Variants in NINL observed in about 807,000 individuals in gnomAD.
The protein encoded by NINL is ninein-like protein.
Under a neutral mutation model 160.3 loss-of-function variants are expected in NINL, and 153 were observed. That is an observed-to-expected ratio of 0.95 (90% CI 0.84 to 1.09). The LOEUF (loss-of-function observed/expected upper bound fraction) is 1.09, where lower values mean the gene tolerates loss of function less well. NINL is among the 50% of genes least tolerant of loss of function. The pLI, the probability that NINL is intolerant of heterozygous loss-of-function variation, is 0.00. For missense variants in NINL, 1,829 were observed against 1,764.0 expected (o/e 1.04, Z -0.66); for synonymous variants, 800 against 734.8 (o/e 1.09, Z -1.43).
rs1568883783 is a variant in NINL at position 25,480,271 on chromosome 20, C to A, written c.1811-4G>T. 1.9e-6 allele frequency: 3 copies of A among 1,611,730 alleles called. No individual in the cohort carries two copies. Among genetic ancestry groups the A allele is most frequent in the Middle Eastern group, 1.7e-4 (1 of 6,054 alleles). On this transcript the variant is annotated splice_region_variant and splice_polypyrimidine_tract_variant and intron_variant, in intron 14 of 23. Transcript: ENST00000278886. ...GAATTACCCAGGAATGAAATGCCTG[C>A]AAACAAGAGGCCACTTCCGTTTGTC...
At chr20:25,510,795 G>A (rs374759639) in intron 4 of NINL, 55 bp from the exon 5 acceptor site, 28 of 1,310,960 alleles carry the variant, frequency 2.1e-5, no homozygotes, top group Non-Finnish European at 2.6e-5. Flanking sequence ...TGCTGGGGAC[G>A]GAGCACCGGG....
chr20:25,474,425 CA>C (rs1409184740), intron 17 of NINL, among the ~76,000 whole-genome samples: 1 of 152,234 alleles, frequency 6.6e-6, no homozygotes, highest in Non-Finnish European at 1.5e-5. Flanking sequence ...GACCAAGGGC[CA>C]ACCATGCAGT....
chr20:25,461,511 C>T lies in NINL; in HGVS notation c.3696+11G>A. ...CTGGACCCAGTGCCTCCAGCCATCGCTCACACCCACCTGGTCTTGACTTTC... is the reference window on the plus strand; with the variant it reads ...CTGGACCCAGTGCCTCCAGCCATCGTTCACACCCACCTGGTCTTGACTTTC... On this transcript the variant is annotated intron_variant, in intron 21 of 23. Coordinates refer to ENST00000278886, the MANE Select transcript of NINL (RefSeq NM_025176.6). The T allele has an allele frequency of 1.3e-6, 2 of 1,518,540 alleles. No individual in the cohort carries two copies. Among genetic ancestry groups the T allele is most frequent in the Non-Finnish European group, 8.9e-7 (1 of 1,128,396 alleles). The allele number at this position is 1,518,540 out of a possible 1,614,324, so 94.1% of individuals were successfully genotyped here.
At chr20:25,544,774 G>A (rs549422875) in intron 1 of NINL, among the ~76,000 whole-genome samples, 2 of 152,346 alleles carry the variant, frequency 1.3e-5, no homozygotes, top group East Asian at 3.9e-4. Context: ...CAAGCTGGGT[G>A]CAGGGAAAAG....
chr20:25,461,218 GAC>G (rs1188119194), intron 21 of NINL, among the ~76,000 whole-genome samples: 1 of 152,178 alleles, frequency 6.6e-6, no homozygotes, highest in African/African-American at 2.4e-5. Flanking sequence ...TGGTTCTGAC[GAC>G]ACAGTCCCCA....
Position 25,482,175 on chromosome 20 carries a change from CA to C in NINL, c.1678-76del, listed in dbSNP as rs1182166796. 12 of 1,521,390 alleles carry C rather than the reference CA, an allele frequency of 7.9e-6. No individual in the cohort carries two copies. The East Asian group carries it at 2.1e-4, about 26-fold the overall frequency. The allele number at this position is 1,521,390 out of a possible 1,614,324, so 94.2% of individuals were successfully genotyped here. A position where few individuals can be genotyped will look rare whatever the true frequency, so the allele number is the denominator to read the frequency against. On this transcript the variant is annotated intron_variant, in intron 13 of 23. Transcript: ENST00000278886. ...CCAGCGAGCTGGCCGAGCTGGCCTC[CA>C]GGGGGGTCCCTTGCAGGTGAGGTGC... is the stretch of plus-strand genomic sequence containing the variant.
intron 2 of NINL, among the ~76,000 whole-genome samples, chr20:25,524,067 A>G (rs2064310437): frequency 6.6e-6 from 1 of 152,166 alleles, no homozygotes; most frequent in African/African-American, 2.4e-5. Flanking sequence ...CTATACGGAT[A>G]TTTCTGACTT....
chr20:25,558,752 T>C (rs1314959369), intron 1 of NINL, among the ~76,000 whole-genome samples: 1 of 152,168 alleles, frequency 6.6e-6, no homozygotes, highest in African/African-American at 2.4e-5. Flanking sequence ...CTTCAGACTG[T>C]GTTTAGGCCA....
At chr20:25,531,347 A>C (rs887833899) in intron 1 of NINL, among the ~76,000 whole-genome samples, 1 of 152,178 alleles carries the variant, frequency 6.6e-6, no homozygotes, top group African/African-American at 2.4e-5. Flanking sequence ...CTGAGGCGAC[A>C]TACACCCTCC....
At chr20:25,562,975 G>C (rs2064961585) in intron 1 of NINL, among the ~76,000 whole-genome samples, 1 of 152,098 alleles carries the variant, frequency 6.6e-6, no homozygotes, top group Non-Finnish European at 1.5e-5. Flanking sequence ...GACCATCCTG[G>C]CTAACACGGT....
intron 17 of NINL, among the ~76,000 whole-genome samples, chr20:25,474,702 C>A (rs1263735924): frequency 6.6e-6 from 1 of 151,062 alleles, no homozygotes. Flanking sequence ...GAAACCTCTG[C>A]CTCTCAGGTT....
intron 1 of NINL, among the ~76,000 whole-genome samples, chr20:25,542,697 TAAAAAAAAAAAAAAAAAAAAAAA>T (rs71185304): frequency 2.4e-3 from 122 of 51,370 alleles, no homozygotes; most frequent in African/African-American, 6.2e-3. Flanking sequence ...TTGCTTTCAC[TAAAAAAAAAAAAAAAAAAAAAAA>T]AAAAAAAAAA....
Position 25,489,954 on chromosome 20 carries a change from T to C in NINL, c.1517A>G (p.Glu506Gly), listed in dbSNP as rs1269887696. The C allele has an allele frequency of 6.2e-7, 1 of 1,613,990 alleles. No homozygotes were observed. Among genetic ancestry groups the C allele is most frequent in the Non-Finnish European group, 8.5e-7 (1 of 1,180,012 alleles). ...ENSRLQKEIV[E>G]VVEKLSDSER... ...CGAATCCGAAAGCTTTTCCACCACTTCCACAATCTCCTTCTGTAGGCGACT... is the reference window on the plus strand; with the variant it reads ...CGAATCCGAAAGCTTTTCCACCACTCCCACAATCTCCTTCTGTAGGCGACT... The change falls in exon 12 of 24, where the codon GAA (glutamate) becomes GGA (glycine). Residue 506 changes from glutamate to glycine, a missense_variant. Transcript: ENST00000278886.
intron 1 of NINL, among the ~76,000 whole-genome samples, chr20:25,536,466 T>C (rs2064558486): frequency 6.6e-6 from 1 of 152,230 alleles, no homozygotes; most frequent in Non-Finnish European, 1.5e-5. Context: ...ATCCCAGTAC[T>C]TTGGGAGGCT....
intron 18 of NINL, 38 bp downstream of exon 18, chr20:25,469,953 G>A (rs369262223): frequency 1.8e-4 from 269 of 1,485,672 alleles, no homozygotes; most frequent in Non-Finnish European, 2.3e-4. Flanking sequence ...AGGGCAAAAC[G>A]CACCCCCAGA....
intron 3 of NINL, among the ~76,000 whole-genome samples, chr20:25,516,571 G>GA (rs1423867039): frequency 2.0e-5 from 3 of 152,166 alleles, no homozygotes; most frequent in African/African-American, 7.2e-5. Context: ...TACAACATCA[G>GA]AGGACCAGGC....
chr20:25,480,859 G>A (rs974517326), intron 14 of NINL, among the ~76,000 whole-genome samples: 2 of 152,112 alleles, frequency 1.3e-5, no homozygotes, highest in African/African-American at 2.4e-5. Context: ...ATGGGGCTAC[G>A]GACCCACAGG....
chr20:25,504,012 G>C lies in NINL; in HGVS notation c.801C>G (p.Pro267=). 1.2e-6 allele frequency: 2 copies of C among 1,613,850 alleles called. No individual in the cohort carries two copies. The highest frequency in any genetic ancestry group is 1.7e-6 in the Non-Finnish European group (2 of 1,179,902). Residue 267 remains proline, a synonymous_variant, in exon 7 of 24, where the codon CCC becomes CCG. Transcript: ENST00000278886. ...GAGTGGAAGACTCTAGAAGTAGCGC[G>C]GGCTCATGACTGAAGAGGCCAAGCT... The part of the protein sequence containing the change: ...EFQLGLFSHE[P]ALLLESSTRV...
rs182180435 is a variant in NINL at position 25,466,759 on chromosome 20, C to T, written c.3423+630G>A. Among the ~76,000 whole-genome samples, 1,399 of 152,126 alleles carry T rather than the reference C, an allele frequency of 9.2e-3. 7 individuals carry two copies. Among genetic ancestry groups the T allele is most frequent in the Non-Finnish European group, 0.012 (848 of 68,006 alleles). On this transcript the variant is annotated intron_variant, in intron 19 of 23. Transcript: ENST00000278886. The stretch of plus-strand genomic sequence containing the variant: ...AGGTTGCAGTGAGCCAAGATCGCAC[C>T]ACTGCACTCCAGCCTGGGTGACAGA...
Sources: gnomAD v4.1 joint callset for allele counts (sites outside exome capture counted in the v4.1 genomes callset) on GRCh38, gnomAD v4.1.1 for gene constraint, MANE v1.5 for transcripts, NCBI Gene and HGNC (gene_info 2026-07-23, HGNC 2026-07-21) for gene names.